Variants in DDAH1 observed in about 807,000 individuals in gnomAD.
DDAH1 encodes dimethylarginine dimethylaminohydrolase 1.
DDAH1 carries 19 observed loss-of-function variants against 28.8 expected under a neutral mutation model. That is an observed-to-expected ratio of 0.66 (90% CI 0.46 to 0.97). DDAH1 has a LOEUF of 0.97. DDAH1 is among the 50% of genes least tolerant of loss of function. The probability of loss-of-function intolerance (pLI) is 0.00; values close to 1 mark genes in which losing one functional copy is unlikely to be tolerated. For missense variants in DDAH1, 326 were observed against 375.9 expected (o/e 0.87, Z 1.10); for synonymous variants, 153 against 154.4 (o/e 0.99, Z 0.07).
intron 4 of DDAH1, among the ~76,000 whole-genome samples, chr1:85,325,170 C>T (rs1331613411): frequency 6.6e-6 from 1 of 152,058 alleles, no homozygotes; most frequent in Non-Finnish European, 1.5e-5. Flanking sequence ...AGTCTTTGTT[C>T]GTAAGACTTA....
At chr1:85,326,937 C>A (rs1319244168) in intron 4 of DDAH1, among the ~76,000 whole-genome samples, 2 of 152,158 alleles carry the variant, frequency 1.3e-5, no homozygotes, top group Non-Finnish European at 2.9e-5. Flanking sequence ...ATTTAGCCCT[C>A]TTTATAAAAT....
Position 85,319,295 on chromosome 1 carries a change from AAGAC to A in DDAH1, c.*2153_*2156del, listed in dbSNP as rs1661226798. 1.3e-5 allele frequency: 2 copies of A among 152,250 alleles called. No individual in the cohort carries two copies. The highest frequency in any genetic ancestry group is 1.3e-4 in the Admixed American group (2 of 15,288). 9.4% of individuals were successfully genotyped at this position (152,250 alleles called of 1,614,324 possible). On this transcript the variant is annotated 3_prime_UTR_variant, in exon 6 of 6. Coordinates refer to ENST00000284031, the MANE Select transcript of DDAH1 (RefSeq NM_012137.4). ...GATTTCTCCAGACAAAAGAGAAGGA[AAGAC>A]AGAAAGAAGCAAAAGAAAGGAAAAG...
chr1:85,543,360 C>T (rs896581069), intron 1 of DDAH1, among the ~76,000 whole-genome samples: 2 of 152,116 alleles, frequency 1.3e-5, no homozygotes, highest in African/African-American at 4.8e-5. Flanking sequence ...GGGATCCAGC[C>T]GGGTGGTAGG....
At chr1:85,456,807 GA>G (rs968177749) in intron 1 of DDAH1, among the ~76,000 whole-genome samples, 19 of 152,088 alleles carry the variant, frequency 1.2e-4, no homozygotes, top group African/African-American at 4.3e-4. Flanking sequence ...GGTCAAGGGG[GA>G]AAACCCCCAG....
At chr1:85,360,483 C>T (rs1649727683) in intron 1 of DDAH1, among the ~76,000 whole-genome samples, 1 of 152,156 alleles carries the variant, frequency 6.6e-6, no homozygotes, top group Non-Finnish European at 1.5e-5. Flanking sequence ...CCCAGGAAAA[C>T]ACAACTGTTT....
intron 1 of DDAH1, among the ~76,000 whole-genome samples, chr1:85,535,854 A>G (rs1658258080): frequency 6.6e-6 from 1 of 151,838 alleles, no homozygotes; most frequent in African/African-American, 2.4e-5. Context: ...AAATAACCCA[A>G]TTTTTAAGAT....
At chr1:85,363,906 C>CTTTTT (rs71819142) in intron 1 of DDAH1, among the ~76,000 whole-genome samples, 4 of 130,604 alleles carry the variant, frequency 3.1e-5, no homozygotes, top group African/African-American at 1.2e-4. Flanking sequence ...TGGATGTCAA[C>CTTTTT]TTTTTTTTTT....
At position 85,427,262 on chromosome 1, in the gene DDAH1, C is replaced by A. The variant is rs557678978; in HGVS notation, c.303+37481G>T. On this transcript the variant is annotated intron_variant, in intron 1 of 5. Transcript: ENST00000284031. ...CTCTGTTTTTGTTTTTGTTTTTTTCCAAGTGAGCTAAAAAAAAAAAAAAAA... is the reference window on the plus strand; with the variant it reads ...CTCTGTTTTTGTTTTTGTTTTTTTCAAAGTGAGCTAAAAAAAAAAAAAAAA... Among the ~76,000 whole-genome samples, 332 of 89,472 alleles carry A rather than the reference C, an allele frequency of 3.7e-3. 1 individual carries two copies. Among genetic ancestry groups the A allele is most frequent in the African/African-American group, 0.014 (313 of 22,110 alleles). 58.7% of individuals were successfully genotyped at this position (89,472 alleles called of 152,430 possible). A position where few individuals can be genotyped will look rare whatever the true frequency, so the allele number is the denominator to read the frequency against.
At chr1:85,493,895 C>T (rs2100731206) in intron 2 of DDAH1, 1 of 152,280 alleles carries the variant, frequency 6.6e-6, no homozygotes, top group African/African-American at 2.4e-5. Flanking sequence ...GGTTTATTGG[C>T]TAACTGTGTA....
intron 4 of DDAH1, among the ~76,000 whole-genome samples, chr1:85,325,618 AAAAC>A (rs1647348988): frequency 6.6e-6 from 1 of 152,078 alleles, no homozygotes; most frequent in Non-Finnish European, 1.5e-5. Context: ...GAAAAAAAAA[AAAAC>A]CTACTTGGCA....
intron 4 of DDAH1, among the ~76,000 whole-genome samples, chr1:85,348,067 C>T (rs565981336): frequency 1.9e-4 from 29 of 152,300 alleles, no homozygotes; most frequent in Non-Finnish European, 3.4e-4. Context: ...CAATCTCCAA[C>T]GAATGCCTTT....
intron 1 of DDAH1, among the ~76,000 whole-genome samples, chr1:85,571,553 G>A (rs562068890): frequency 6.6e-6 from 1 of 152,212 alleles, no homozygotes; most frequent in East Asian, 1.9e-4. Flanking sequence ...TAGGCAGCTA[G>A]AGCCATGAAG....
chr1:85,554,286 T>TTTG (rs1553148485), intron 1 of DDAH1, among the ~76,000 whole-genome samples: 3 of 150,250 alleles, frequency 2.0e-5, no homozygotes, highest in African/African-American at 7.3e-5. Flanking sequence ...GTTTTTTTTT[T>TTTG]TTTTTTTTTT....
At chr1:85,524,233 A>G (rs1223103709) in intron 1 of DDAH1, among the ~76,000 whole-genome samples, 1 of 149,596 alleles carries the variant, frequency 6.7e-6, no homozygotes, top group Non-Finnish European at 1.5e-5. Context: ...ATAATAATGA[A>G]CACTTCTTTA....
chr1:85,500,141 TC>T (rs1269923100), intron 1 of DDAH1, among the ~76,000 whole-genome samples: 7 of 101,066 alleles, frequency 6.9e-5, no homozygotes, highest in Non-Finnish European at 1.5e-4. Context: ...TTTCTTTCTT[TC>T]TTTCTTTTCT....
At chr1:85,576,517 C>G (rs527390543) in intron 1 of DDAH1, 2 of 152,238 alleles carry the variant, frequency 1.3e-5, no homozygotes, top group South Asian at 4.1e-4. Context: ...AATCCAGGCC[C>G]TTCGGGGCTT....
chr1:85,510,060 G>C (rs1295335885), intron 1 of DDAH1, among the ~76,000 whole-genome samples: 1 of 152,110 alleles, frequency 6.6e-6, no homozygotes, highest in Non-Finnish European at 1.5e-5. Context: ...GATTTACCAA[G>C]GTTGAAATGA....
intron 1 of DDAH1, among the ~76,000 whole-genome samples, chr1:85,408,714 A>G (rs920228901): frequency 6.6e-6 from 1 of 152,224 alleles, no homozygotes; most frequent in Non-Finnish European, 1.5e-5. Context: ...GAAAAGTACA[A>G]ATGAGTGAAG....
In DDAH1 at chr1:85,440,783, C is replaced by T. The variant is rs188436973; in HGVS notation, c.303+23960G>A. Among the ~76,000 whole-genome samples, 435 of 148,368 alleles carry T rather than the reference C, an allele frequency of 2.9e-3. 1 individual carries two copies. Among genetic ancestry groups the T allele is most frequent in the Non-Finnish European group, 4.9e-3 (329 of 66,558 alleles). On this transcript the variant is annotated intron_variant, in intron 1 of 5. Transcript: ENST00000284031. ...CCATCAACCCCCTTAACACTACCTT[C>T]TCTGTCAAAAGTCTGGGCAGGGCCC...
Sources: gnomAD v4.1 joint callset for allele counts (sites outside exome capture counted in the v4.1 genomes callset) on GRCh38, gnomAD v4.1.1 for gene constraint, MANE v1.5 for transcripts, NCBI Gene and HGNC (gene_info 2026-07-23, HGNC 2026-07-21) for gene names.